The following PALM2AKAP2 variants were observed in gnomAD, a reference collection of about 807,000 sequenced individuals.
The protein encoded by PALM2AKAP2 is PALM2 and AKAP2 fusion, also known as PALM2-AKAP2 fusion protein.
In PALM2AKAP2, 37 loss-of-function variants were observed where a neutral mutation model predicts 71.5. The ratio of observed to expected loss-of-function variants is 0.52; its 90% CI spans 0.40 to 0.68. PALM2AKAP2 has a LOEUF of 0.68. Among genes scored for constraint, PALM2AKAP2 ranks in the 30% least tolerant of loss-of-function variants. PALM2AKAP2 has a pLI of 0.00. For synonymous variants in PALM2AKAP2, 468 were observed against 478.8 expected (o/e 0.98, Z 0.29); for missense variants, 1,224 against 1,191.8 (o/e 1.03, Z -0.40).
chr9:110,097,968 G>C (rs899102121), intron 1 of PALM2AKAP2, among the ~76,000 whole-genome samples: 30 of 143,548 alleles, frequency 2.1e-4, no homozygotes, highest in Non-Finnish European at 4.0e-4. Context: ...AGACCAGCCC[G>C]GCCAACACAG....
intron 1 of PALM2AKAP2, among the ~76,000 whole-genome samples, chr9:109,726,656 G>A (rs1233383987): frequency 6.6e-6 from 1 of 152,148 alleles, no homozygotes; most frequent in Non-Finnish European, 1.5e-5. Flanking sequence ...TATGTGTGTA[G>A]AAATCTGATT....
chr9:109,786,814 C>T (rs1826982269), intron 1 of PALM2AKAP2, among the ~76,000 whole-genome samples: 1 of 152,078 alleles, frequency 6.6e-6, no homozygotes. Context: ...AAAAAGTCAT[C>T]ATAGAAAAAG....
intron 1 of PALM2AKAP2, among the ~76,000 whole-genome samples, chr9:110,080,638 C>G (rs1387277934): frequency 6.6e-6 from 1 of 152,124 alleles, no homozygotes; most frequent in Non-Finnish European, 1.5e-5. Context: ...CCATTGTTAA[C>G]TTAGGTGATA....
At chr9:110,058,904 T>G (rs1236883526) in intron 1 of PALM2AKAP2, among the ~76,000 whole-genome samples, 3 of 146,344 alleles carry the variant, frequency 2.0e-5, no homozygotes, top group Non-Finnish European at 3.0e-5. Flanking sequence ...TTTGGTTTTT[T>G]TTTTTTTTTT....
chr9:109,837,222 T>C (rs1828506420), intron 1 of PALM2AKAP2, among the ~76,000 whole-genome samples: 1 of 152,206 alleles, frequency 6.6e-6, no homozygotes, highest in Non-Finnish European at 1.5e-5. Context: ...GGGGCCAATA[T>C]TCAACATTCT....
chr9:109,733,096 T>A (rs1463901421), intron 1 of PALM2AKAP2, among the ~76,000 whole-genome samples: 2 of 152,064 alleles, frequency 1.3e-5, no homozygotes, highest in African/African-American at 4.8e-5. Context: ...TTGAAAAGAA[T>A]GATTCCATTA....
intron 1 of PALM2AKAP2, among the ~76,000 whole-genome samples, chr9:109,799,590 C>T (rs10816870): frequency 0.18 from 27,091 of 152,204 alleles, 2,809 homozygotes; most frequent in East Asian, 0.35. Context: ...ACCACCTGCG[C>T]TCAAGTGATC....
At position 110,064,066 on chromosome 9, in the gene PALM2AKAP2, C is replaced by A. The variant is rs982725965; in HGVS notation, c.156+15211C>A. Among the ~76,000 whole-genome samples, 13 of 152,230 alleles carry A rather than the reference C, an allele frequency of 8.5e-5. 1 individual carries two copies. Among genetic ancestry groups the A allele is most frequent in the Admixed American group, 8.5e-4 (13 of 15,296 alleles). ...AGCTTCCACGGACCAAAGTGAAACA[C>A]CCAGGGGTGGAGGGGGTAAGGAGCT... On this transcript the variant is annotated intron_variant, in intron 1 of 3. Transcript: ENST00000374525.
intron 1 of PALM2AKAP2, among the ~76,000 whole-genome samples, chr9:110,108,110 CT>C (rs1221591292): frequency 6.0e-5 from 8 of 133,984 alleles, no homozygotes; most frequent in African/African-American, 2.2e-4. Context: ...TTTTGTTTTT[CT>C]TTTTTTCTTT....
rs58791123 is a variant in PALM2AKAP2 at position 109,762,157 on chromosome 9, ATT to A, written c.6-18319_6-18318del. ...TTCCTCAAGGATCTAGAAGGACAGA[ATT>A]TTTTTTTTTTTAATGGTATTGTTTC... On this transcript the variant is annotated intron_variant, in intron 1 of 6. Coordinates refer to the PALM2AKAP2 transcript ENST00000374531. Among the ~76,000 whole-genome samples the A allele has an allele frequency of 6.6e-4, 98 of 148,622 alleles. 2 individuals carry two copies. Among genetic ancestry groups the A allele is most frequent in the East Asian group, 3.0e-3 (15 of 5,062 alleles).
At chr9:109,794,115 T>A (rs1296192940) in intron 1 of PALM2AKAP2, among the ~76,000 whole-genome samples, 1 of 152,200 alleles carries the variant, frequency 6.6e-6, no homozygotes, top group African/African-American at 2.4e-5. Context: ...CAATAAAGCA[T>A]CTCAGACATC....
upstream of PALM2AKAP2, among the ~76,000 whole-genome samples, chr9:110,045,080 G>T (rs1403607663): frequency 1.6e-4 from 11 of 67,160 alleles, no homozygotes; most frequent in Admixed American, 4.9e-4. Context: ...CCTGGCTCAG[G>T]GGTGTAGTTT....
intron 6 of PALM2AKAP2, among the ~76,000 whole-genome samples, chr9:110,011,429 C>T (rs552409390): frequency 2.6e-5 from 4 of 151,996 alleles, no homozygotes; most frequent in Admixed American, 1.3e-4. Context: ...GGATGTTAGT[C>T]GAGGGGAAAC....
chr9:109,932,948 A>C (rs571745068), intron 6 of PALM2AKAP2, among the ~76,000 whole-genome samples: 1 of 152,396 alleles, frequency 6.6e-6, no homozygotes, highest in Non-Finnish European at 1.5e-5. Flanking sequence ...ATATAGGCCA[A>C]CCTGAATATT....
At chr9:109,954,491 C>T (rs1216388782) in intron 6 of PALM2AKAP2, among the ~76,000 whole-genome samples, 1 of 132,700 alleles carries the variant, frequency 7.5e-6, no homozygotes, top group Non-Finnish European at 1.5e-5. Context: ...GGGAATATCA[C>T]ACTCTGGGGA....
At chr9:109,913,483 A>G (rs975375028) in intron 3 of PALM2AKAP2, among the ~76,000 whole-genome samples, 15 of 152,198 alleles carry the variant, frequency 9.9e-5, no homozygotes, top group African/African-American at 3.6e-4. Flanking sequence ...GAAGGGGGGC[A>G]AAGCACAGTT....
chr9:110,046,802 G>A (rs1245825261), upstream of PALM2AKAP2, among the ~76,000 whole-genome samples: 6 of 152,118 alleles, frequency 3.9e-5, 1 homozygote, highest in African/African-American at 1.4e-4. Context: ...AACTAATTTT[G>A]TTTGTAAATT....
chr9:109,734,338 G>C (rs929609630), intron 1 of PALM2AKAP2, among the ~76,000 whole-genome samples: 1 of 152,118 alleles, frequency 6.6e-6, no homozygotes, highest in African/African-American at 2.4e-5. Context: ...AGTATAAAGA[G>C]AGTAAATTAC....
chr9:109,969,328 G>A (rs975213521), intron 6 of PALM2AKAP2, among the ~76,000 whole-genome samples: 17 of 152,174 alleles, frequency 1.1e-4, no homozygotes, highest in East Asian at 3.8e-4. Flanking sequence ...GTCTCCTCTC[G>A]CCTGAAACAG....
Sources: gnomAD v4.1 joint callset for allele counts (sites outside exome capture counted in the v4.1 genomes callset) on GRCh38, gnomAD v4.1.1 for gene constraint, MANE v1.5 for transcripts, NCBI Gene and HGNC (gene_info 2026-07-23, HGNC 2026-07-21) for gene names.